Variants in PHF21B observed in about 807,000 individuals in gnomAD.
PHF21B encodes PHD finger protein 4.
PHF21B carries 22 observed loss-of-function variants against 62.2 expected under a neutral mutation model. The observed-to-expected ratio is 0.35, with a 90% confidence interval of 0.25 to 0.51. The LOEUF (loss-of-function observed/expected upper bound fraction) is 0.51, where lower values mean the gene tolerates loss of function less well. PHF21B is among the 20% of genes least tolerant of loss of function. The probability of loss-of-function intolerance (pLI) is 0.97; values close to 1 mark genes in which losing one functional copy is unlikely to be tolerated. For synonymous variants in PHF21B, 341 were observed against 314.7 expected (o/e 1.08, Z -0.88); for missense variants, 701 against 707.9 (o/e 0.99, Z 0.11).
intron 2 of PHF21B, among the ~76,000 whole-genome samples, chr22:44,931,085 C>T (rs930283165): frequency 2.6e-5 from 4 of 152,204 alleles, no homozygotes; most frequent in African/African-American, 9.6e-5. Flanking sequence ...GACCAGGTCT[C>T]GCTCTGTTGC....
chr22:44,969,096 T>C (rs935466993), intron 2 of PHF21B: 1 of 152,268 alleles, frequency 6.6e-6, no homozygotes, highest in African/African-American at 2.4e-5. Flanking sequence ...CGTCACTGCT[T>C]CGTGGAGCTC....
intron 5 of PHF21B, among the ~76,000 whole-genome samples, chr22:44,912,832 T>C (rs1178667010): frequency 3.3e-5 from 4 of 122,514 alleles, no homozygotes; most frequent in African/African-American, 6.4e-5. Flanking sequence ...TGAGCTATGA[T>C]GGTGCCAGTG....
intron 2 of PHF21B, among the ~76,000 whole-genome samples, chr22:44,982,107 G>A (rs531780234): frequency 6.6e-6 from 1 of 152,366 alleles, no homozygotes; most frequent in East Asian, 1.9e-4. Flanking sequence ...ATGGCACACA[G>A]GTTCTCTCCT....
At chr22:44,925,774 G>C (rs376624054) in intron 2 of PHF21B, among the ~76,000 whole-genome samples, 18 of 152,092 alleles carry the variant, frequency 1.2e-4, no homozygotes, top group African/African-American at 3.9e-4. Context: ...GGGGGTTATG[G>C]GGATTGTCCT....
At chr22:44,886,532 A>T (rs1388353321) in intron 10 of PHF21B, among the ~76,000 whole-genome samples, 1 of 152,042 alleles carries the variant, frequency 6.6e-6, no homozygotes, top group South Asian at 2.1e-4. Flanking sequence ...ACAAAAAATT[A>T]AAAAATTAGC....
chr22:44,966,459 C>T (rs759130615), intron 2 of PHF21B, among the ~76,000 whole-genome samples: 9 of 152,340 alleles, frequency 5.9e-5, no homozygotes, highest in South Asian at 4.1e-4. Flanking sequence ...AGCTTTGGGG[C>T]CACTGCAGCG....
At chr22:44,987,181 T>C (rs1343080192) in intron 2 of PHF21B, among the ~76,000 whole-genome samples, 3 of 152,174 alleles carry the variant, frequency 2.0e-5, no homozygotes, top group Non-Finnish European at 2.9e-5. Context: ...GTCAGGGGGC[T>C]GCTGTAATAT....
intron 5 of PHF21B, among the ~76,000 whole-genome samples, chr22:44,899,830 C>G (rs1355243417): frequency 2.0e-5 from 3 of 152,012 alleles, no homozygotes; most frequent in African/African-American, 7.3e-5. Context: ...ATATTTTTAC[C>G]TTAATTTTAC....
chr22:44,969,303 G>T (rs771821035), intron 2 of PHF21B: 4 of 152,264 alleles, frequency 2.6e-5, no homozygotes, highest in Non-Finnish European at 5.9e-5. Context: ...CTGAGGCCTG[G>T]AAAGGCGCTT....
At chr22:44,914,887 C>A (rs1440420752) in intron 4 of PHF21B, among the ~76,000 whole-genome samples, 2 of 152,178 alleles carry the variant, frequency 1.3e-5, no homozygotes, top group Non-Finnish European at 2.9e-5. Flanking sequence ...TCTAGCTCTA[C>A]CATTTTATTT....
chr22:44,991,765 C>T (rs993689158), intron 2 of PHF21B, among the ~76,000 whole-genome samples: 4 of 152,222 alleles, frequency 2.6e-5, no homozygotes, highest in African/African-American at 7.2e-5. Flanking sequence ...CTCTCAGCTC[C>T]GCTGGTCCAT....
At chr22:44,918,504 G>C (rs182918139) in intron 3 of PHF21B, among the ~76,000 whole-genome samples, 1 of 152,308 alleles carries the variant, frequency 6.6e-6, no homozygotes, top group African/African-American at 2.4e-5. Context: ...CCTGTATGCA[G>C]CCCCAGGCCG....
chr22:44,976,310 T>C (rs2072737645), intron 2 of PHF21B, among the ~76,000 whole-genome samples: 1 of 152,222 alleles, frequency 6.6e-6, no homozygotes, highest in Non-Finnish European at 1.5e-5. Context: ...TATTATTTCT[T>C]TGTGGTGAGA....
At chr22:44,927,231 C>G (rs1244052333) in intron 2 of PHF21B, among the ~76,000 whole-genome samples, 1 of 151,252 alleles carries the variant, frequency 6.6e-6, no homozygotes, top group Non-Finnish European at 1.5e-5. Flanking sequence ...CCTGGGGAAA[C>G]GTCCACACCC....
chr22:44,885,740 C>T (rs1344030212), intron 11 of PHF21B, 123 bp downstream of exon 11: 32 of 1,156,434 alleles, frequency 2.8e-5, no homozygotes, highest in Non-Finnish European at 4.0e-5. Flanking sequence ...TCCCACTTTT[C>T]AGTGCTCTGG....
intron 2 of PHF21B, among the ~76,000 whole-genome samples, chr22:44,925,028 T>C (rs982784158): frequency 6.6e-6 from 1 of 152,010 alleles, no homozygotes; most frequent in Non-Finnish European, 1.5e-5. Flanking sequence ...AAAATAACAC[T>C]GCCAAAAAAA....
chr22:44,891,081 G>A (rs1258909244), intron 8 of PHF21B, among the ~76,000 whole-genome samples: 1 of 152,182 alleles, frequency 6.6e-6, no homozygotes, highest in Non-Finnish European at 1.5e-5. Flanking sequence ...CTATGGCCCA[G>A]GCTGTGGACC....
intron 9 of PHF21B, 76 bp downstream of exon 9, chr22:44,889,684 G>C: frequency 1.3e-6 from 2 of 1,510,662 alleles, no homozygotes; most frequent in Non-Finnish European, 1.8e-6. Flanking sequence ...CCTCTTTCCA[G>C]GAGGGACCCT....
intron 3 of PHF21B, among the ~76,000 whole-genome samples, chr22:44,919,473 G>C (rs1448205011): frequency 6.6e-6 from 1 of 152,212 alleles, no homozygotes; most frequent in Non-Finnish European, 1.5e-5. Flanking sequence ...CCAAAAGATT[G>C]GAAGATTGGC....
Sources: gnomAD v4.1 joint callset for allele counts (sites outside exome capture counted in the v4.1 genomes callset) on GRCh38, gnomAD v4.1.1 for gene constraint, MANE v1.5 for transcripts, NCBI Gene and HGNC (gene_info 2026-07-23, HGNC 2026-07-21) for gene names.